The following ARHGAP15 variants were observed in gnomAD, a reference collection of about 807,000 sequenced individuals.
ARHGAP15 encodes the protein Rho GTPase activating protein 15, also known as rho GTPase-activating protein 15.
A neutral mutation model predicts 63.7 loss-of-function variants in ARHGAP15; 51 were observed. That is an observed-to-expected ratio of 0.80 (90% confidence interval 0.64 to 1.01). The LOEUF is 1.01. ARHGAP15 is among the 50% of genes least tolerant of loss of function. The pLI, the probability that ARHGAP15 is intolerant of heterozygous loss-of-function variation, is 0.00. For missense variants in ARHGAP15, 560 were observed against 564.6 expected (o/e 0.99, Z 0.08); for synonymous variants, 191 against 193.8 (o/e 0.99, Z 0.12).
chr2:143,631,304 G>A (rs897567130), intron 12 of ARHGAP15, among the ~76,000 whole-genome samples: 2 of 152,022 alleles, frequency 1.3e-5, no homozygotes, highest in African/African-American at 4.8e-5. Context: ...ACAAATTTTT[G>A]TGTGGACAAA....
At chr2:143,311,824 G>C (rs149576483) in intron 6 of ARHGAP15, among the ~76,000 whole-genome samples, 1 of 152,054 alleles carries the variant, frequency 6.6e-6, no homozygotes, top group East Asian at 1.9e-4. Flanking sequence ...ATGGCAAACC[G>C]GTTCAACAGT....
At chr2:143,208,853 A>T (rs1312389652) in intron 3 of ARHGAP15, among the ~76,000 whole-genome samples, 1 of 152,136 alleles carries the variant, frequency 6.6e-6, no homozygotes, top group African/African-American at 2.4e-5. Flanking sequence ...AGAGTGTAAG[A>T]CATGTCTATG....
At chr2:143,240,442 A>T (rs1480725347) in intron 5 of ARHGAP15, among the ~76,000 whole-genome samples, 1 of 152,188 alleles carries the variant, frequency 6.6e-6, no homozygotes, top group South Asian at 2.1e-4. Flanking sequence ...TGAATATGGA[A>T]TGATTTTATC....
chr2:143,308,611 A>G (rs1201937209), intron 6 of ARHGAP15, among the ~76,000 whole-genome samples: 1 of 152,090 alleles, frequency 6.6e-6, no homozygotes, highest in Non-Finnish European at 1.5e-5. Flanking sequence ...GTTTTAAGCA[A>G]GAATATGATA....
chr2:143,555,554 G>C (rs530268888), intron 10 of ARHGAP15, among the ~76,000 whole-genome samples: 1 of 151,794 alleles, frequency 6.6e-6, no homozygotes, highest in Non-Finnish European at 1.5e-5. Flanking sequence ...CATTGTCCTC[G>C]TAACGTGGCC....
intron 6 of ARHGAP15, among the ~76,000 whole-genome samples, chr2:143,338,245 C>T (rs1441185332): frequency 6.6e-6 from 1 of 152,138 alleles, no homozygotes; most frequent in Non-Finnish European, 1.5e-5. Context: ...TGATTAAGTA[C>T]TGTAGTAACC....
chr2:143,460,325 T>G (rs949062885), intron 8 of ARHGAP15, among the ~76,000 whole-genome samples: 1 of 152,190 alleles, frequency 6.6e-6, no homozygotes, highest in Non-Finnish European at 1.5e-5. Context: ...ACGAATTTTT[T>G]TCCCCACACT....
Position 143,655,241 on chromosome 2 carries a change from G to A in ARHGAP15, c.1138+30974G>A, listed in dbSNP as rs117305634. ...GAGCAGTATACACTGCACCATATTT[G>A]TAGTCTTCTATCCCTCGACCCCCTC... On this transcript the variant is annotated intron_variant, in intron 12 of 13. Transcript: ENST00000295095. Among the ~76,000 whole-genome samples the A allele has an allele frequency of 7.1e-3, 1,078 of 152,174 alleles. 46 individuals carry two copies. The highest frequency in any genetic ancestry group is 0.061 in the Admixed American group (929 of 15,278).
At chr2:143,209,488 G>C (rs1692484400) in intron 3 of ARHGAP15, among the ~76,000 whole-genome samples, 1 of 151,942 alleles carries the variant, frequency 6.6e-6, no homozygotes, top group Non-Finnish European at 1.5e-5. Flanking sequence ...GTTCAGTCTA[G>C]GGATGAACAG....
At chr2:143,659,230 G>C (rs977449175) in intron 12 of ARHGAP15, among the ~76,000 whole-genome samples, 1 of 151,954 alleles carries the variant, frequency 6.6e-6, no homozygotes, top group African/African-American at 2.4e-5. Flanking sequence ...CTTAAAATTT[G>C]TAAGTAGGGA....
chr2:143,590,465 G>A (rs1326265838), intron 11 of ARHGAP15, among the ~76,000 whole-genome samples: 1 of 152,112 alleles, frequency 6.6e-6, no homozygotes, highest in Admixed American at 6.6e-5. Context: ...TGAGTATAGG[G>A]ATAAATGAAA....
intron 12 of ARHGAP15, among the ~76,000 whole-genome samples, chr2:143,657,908 C>G (rs1270549815): frequency 1.3e-5 from 2 of 152,130 alleles, no homozygotes; most frequent in Non-Finnish European, 2.9e-5. Flanking sequence ...GATTCTGTTC[C>G]TTCAGTTTGG....
chr2:143,294,570 C>T (rs528096626), intron 6 of ARHGAP15, among the ~76,000 whole-genome samples: 63 of 152,150 alleles, frequency 4.1e-4, no homozygotes, highest in African/African-American at 1.4e-3. Context: ...ACCACTGTTT[C>T]TCTACATCAA....
chr2:143,540,552 G>GC (rs1259311649), intron 10 of ARHGAP15, among the ~76,000 whole-genome samples: 1 of 152,176 alleles, frequency 6.6e-6, no homozygotes, highest in Non-Finnish European at 1.5e-5. Flanking sequence ...TCCTTCAGGA[G>GC]CTCCTTTAAG....
At chr2:143,377,318 C>G (rs567105569) in intron 6 of ARHGAP15, among the ~76,000 whole-genome samples, 1 of 151,836 alleles carries the variant, frequency 6.6e-6, no homozygotes, top group African/African-American at 2.4e-5. Flanking sequence ...AAACCTCTTT[C>G]TACAAAATTG....
intron 12 of ARHGAP15, among the ~76,000 whole-genome samples, chr2:143,626,180 CA>C (rs1698827588): frequency 6.6e-6 from 1 of 152,156 alleles, no homozygotes; most frequent in African/African-American, 2.4e-5. Context: ...TTTCTGCCAA[CA>C]CCTATAAAAT....
At chr2:143,725,282 T>C (rs1160218725) in intron 13 of ARHGAP15, among the ~76,000 whole-genome samples, 1 of 152,186 alleles carries the variant, frequency 6.6e-6, no homozygotes, top group African/African-American at 2.4e-5. Context: ...GCCAATAATC[T>C]CCACTGCCTC....
intron 6 of ARHGAP15, among the ~76,000 whole-genome samples, chr2:143,360,393 AAAAG>A (rs1685994700): frequency 6.6e-6 from 1 of 152,122 alleles, no homozygotes; most frequent in Non-Finnish European, 1.5e-5. Context: ...TCAAAAATAA[AAAAG>A]AACTTTGAAA....
chr2:143,516,502 TTC>T (rs1002992440), intron 9 of ARHGAP15, among the ~76,000 whole-genome samples: 8 of 151,122 alleles, frequency 5.3e-5, no homozygotes, highest in African/African-American at 1.5e-4. Flanking sequence ...ACCTGCTATA[TTC>T]TTTTTTTTGT....
Sources: gnomAD v4.1 joint callset for allele counts (sites outside exome capture counted in the v4.1 genomes callset) on GRCh38, gnomAD v4.1.1 for gene constraint, MANE v1.5 for transcripts, NCBI Gene and HGNC (gene_info 2026-07-23, HGNC 2026-07-21) for gene names.